FAM120A: variants seen among roughly 807,000 people sequenced by gnomAD.
FAM120A encodes the protein family with sequence similarity 120 member A.
A neutral mutation model predicts 109.7 loss-of-function variants in FAM120A; 15 were observed. The ratio of observed to expected loss-of-function variants is 0.14; its 90% CI spans 0.09 to 0.21. The LOEUF is 0.21. Among genes scored for constraint, FAM120A ranks in the 10% least tolerant of loss-of-function variants. The pLI is 1.00. For synonymous variants in FAM120A, 493 were observed against 572.8 expected, an observed-to-expected ratio of 0.86 and a Z score of 1.99; for missense variants, 899 against 1,439.3, an observed-to-expected ratio of 0.62 and a Z score of 6.07.
rs1239746954 is a variant in FAM120A at position 93,537,576 on chromosome 9, T to G, written c.1909+5247T>G. On this transcript the variant is annotated intron_variant, in intron 10 of 17. Coordinates refer to ENST00000277165, the MANE Select transcript of FAM120A (RefSeq NM_014612.5). The stretch of plus-strand genomic sequence containing the variant: ...ACACACATGAAATAAATATGTGGAA[T>G]GAGGGAGCAAGTTTATAGGTGAGTA... 2.6e-5 allele frequency among the ~76,000 whole-genome samples: 4 copies of G among 152,110 alleles called. No homozygotes were observed. The East Asian group carries it at 7.7e-4, about 29-fold the overall frequency.
intron 12 of FAM120A, among the ~76,000 whole-genome samples, chr9:93,554,090 G>A (rs1862197395): frequency 8.1e-6 from 1 of 123,298 alleles, no homozygotes; most frequent in South Asian, 2.9e-4. Context: ...ATTCTTAAAA[G>A]TATAATCCTT....
chr9:93,520,878 T>C (rs1319966999), intron 7 of FAM120A, among the ~76,000 whole-genome samples: 1 of 152,268 alleles, frequency 6.6e-6, no homozygotes, highest in Non-Finnish European at 1.5e-5. Context: ...GCAGCCTTCA[T>C]CTGGGTGCGC....
At chr9:93,509,093 G>A (rs188583297) in intron 5 of FAM120A, among the ~76,000 whole-genome samples, 2 of 152,358 alleles carry the variant, frequency 1.3e-5, no homozygotes, top group African/African-American at 4.8e-5. Flanking sequence ...AGTGTAACCT[G>A]CCTGAGTCAG....
chr9:93,521,018 T>C lies in FAM120A; in HGVS notation c.1418+4749T>C, dbSNP rs373766628. On this transcript the variant is annotated intron_variant, in intron 7 of 17. Coordinates refer to ENST00000277165, the MANE Select transcript of FAM120A (RefSeq NM_014612.5). ...GTACAGTTCTCCTGTGCTGTTGGAA[T>C]GGACGTCATGGGCTATGTTACTCTT... is the stretch of plus-strand genomic sequence containing the variant. 3.3e-4 allele frequency among the ~76,000 whole-genome samples: 51 copies of C among 152,366 alleles called. No homozygotes were observed. In the South Asian group the frequency reaches 9.7e-3, roughly 29 times the overall value.
intron 3 of FAM120A, among the ~76,000 whole-genome samples, chr9:93,482,209 A>G (rs1485989567): frequency 5.3e-5 from 5 of 95,232 alleles, no homozygotes; most frequent in African/African-American, 6.1e-5. Flanking sequence ...TTTTTGGGAG[A>G]CGGAGTTTTG....
chr9:93,552,790 C>G (rs1435571362), intron 12 of FAM120A, among the ~76,000 whole-genome samples: 2 of 152,198 alleles, frequency 1.3e-5, no homozygotes, highest in Non-Finnish European at 2.9e-5. Flanking sequence ...ATACACCATT[C>G]ATAGTTTGTG....
intron 5 of FAM120A, among the ~76,000 whole-genome samples, chr9:93,502,565 T>TAA (rs1554778295): frequency 7.5e-5 from 11 of 146,692 alleles, no homozygotes; most frequent in African/African-American, 2.8e-4. Context: ...GGAGGACACA[T>TAA]ACACACACAC....
chr9:93,482,574 CT>C (rs138738378), intron 3 of FAM120A, among the ~76,000 whole-genome samples: 4,040 of 152,226 alleles, frequency 0.027, 172 homozygotes, highest in African/African-American at 0.092. Flanking sequence ...TTGAGTGGTA[CT>C]TTTAAAACAT....
chr9:93,464,818 G>A (rs10512225), intron 1 of FAM120A, among the ~76,000 whole-genome samples: 52,812 of 152,120 alleles, frequency 0.35, 10,348 homozygotes, highest in South Asian at 0.65. Context: ...AGGGCTACCT[G>A]TAAGTAAGTG....
intron 15 of FAM120A, among the ~76,000 whole-genome samples, chr9:93,558,927 C>G (rs1862386111): frequency 6.6e-6 from 1 of 152,216 alleles, no homozygotes; most frequent in South Asian, 2.1e-4. Flanking sequence ...TGGCCAGTCT[C>G]TCCTTTCAGG....
intron 7 of FAM120A, among the ~76,000 whole-genome samples, chr9:93,518,685 C>T (rs1169543309): frequency 3.3e-5 from 5 of 152,044 alleles, no homozygotes; most frequent in Admixed American, 6.5e-5. Context: ...GAGTGAGGAG[C>T]GGGGAACTGG....
intron 3 of FAM120A, among the ~76,000 whole-genome samples, chr9:93,494,619 G>C (rs1056807168): frequency 2.0e-5 from 3 of 152,170 alleles, no homozygotes; most frequent in Non-Finnish European, 4.4e-5. Context: ...GGTTGCCAGT[G>C]GTCAGTGCTG....
chr9:93,495,843 A>G (rs747436267), intron 3 of FAM120A, among the ~76,000 whole-genome samples: 1 of 152,190 alleles, frequency 6.6e-6, no homozygotes, highest in African/African-American at 2.4e-5. Context: ...TATAGCCTGC[A>G]ATGTTATTTG....
intron 1 of FAM120A, among the ~76,000 whole-genome samples, chr9:93,462,781 C>T (rs1260197480): frequency 1.3e-5 from 2 of 152,138 alleles, no homozygotes; most frequent in African/African-American, 4.8e-5. Flanking sequence ...ATAATGAGAT[C>T]GTATAGTATA....
chr9:93,558,501 C>T (rs983359922), intron 14 of FAM120A, 80 bp from the exon 15 acceptor site: 1 of 1,532,116 alleles, frequency 6.5e-7, no homozygotes, highest in Non-Finnish European at 8.9e-7. Context: ...AGGCAGGGGC[C>T]ACTCTGCCTG....
intron 8 of FAM120A, among the ~76,000 whole-genome samples, chr9:93,527,614 ATTTTTTTTTT>A (rs67894788): frequency 0.012 from 1,003 of 80,692 alleles, 11 homozygotes; most frequent in African/African-American, 0.041. Context: ...TTTGTATTTA[ATTTTTTTTTT>A]TTTTTTTTTT....
chr9:93,483,235 AT>A (rs1397374027), intron 3 of FAM120A, among the ~76,000 whole-genome samples: 3 of 152,146 alleles, frequency 2.0e-5, no homozygotes, highest in Non-Finnish European at 2.9e-5. Context: ...CACTTCATAT[AT>A]TTTTTTCTTA....
intron 3 of FAM120A, among the ~76,000 whole-genome samples, chr9:93,480,035 G>A (rs1260282282): frequency 6.6e-6 from 1 of 152,238 alleles, no homozygotes. Context: ...GTAGTAGATC[G>A]TGCTTATTAC....
chr9:93,493,635 C>T (rs1375576901), intron 3 of FAM120A, among the ~76,000 whole-genome samples: 3 of 152,226 alleles, frequency 2.0e-5, no homozygotes, highest in African/African-American at 7.2e-5. Context: ...TCTGCCAAGT[C>T]TCTGAGCGTC....
Sources: gnomAD v4.1 joint callset for allele counts (sites outside exome capture counted in the v4.1 genomes callset) on GRCh38, gnomAD v4.1.1 for gene constraint, MANE v1.5 for transcripts, NCBI Gene and HGNC (gene_info 2026-07-23, HGNC 2026-07-21) for gene names.